Variants in RBFOX1 observed in about 807,000 individuals in gnomAD.
RBFOX1 encodes RNA binding protein fox-1 homolog 1.
In RBFOX1, 8 loss-of-function variants were observed where a neutral mutation model predicts 57.7. That is an observed-to-expected ratio of 0.14 (90% CI 0.08 to 0.25). RBFOX1 has a LOEUF of 0.25. RBFOX1 is among the 10% of genes least tolerant of loss of function. RBFOX1 has a pLI of 1.00. For missense variants in RBFOX1, 611 were observed against 548.5 expected, an observed-to-expected ratio of 1.11 and a Z score of -1.14; for synonymous variants, 326 against 222.4, an observed-to-expected ratio of 1.47 and a Z score of -4.15.
intron 1 of RBFOX1, among the ~76,000 whole-genome samples, chr16:5,447,378 ATC>A (rs71142623): frequency 0.33 from 44,000 of 134,220 alleles, 6,697 homozygotes; most frequent in South Asian, 0.42. Context: ...CAATCAATCA[ATC>A]TCTCTCTCTC....
At chr16:7,529,951 G>C (rs548412292) in intron 5 of RBFOX1, among the ~76,000 whole-genome samples, 143 of 148,080 alleles carry the variant, frequency 9.7e-4, no homozygotes, top group African/African-American at 3.5e-3. Context: ...GGAGGTTGCA[G>C]TGAGCTGAGA....
chr16:7,148,064 A>G (rs2075376496), intron 4 of RBFOX1, among the ~76,000 whole-genome samples: 2 of 152,190 alleles, frequency 1.3e-5, no homozygotes, highest in South Asian at 4.1e-4. Flanking sequence ...TTAGCAGAAC[A>G]CTCAAGATGA....
chr16:6,557,064 C>CACATATAT (rs2097111966), intron 2 of RBFOX1, among the ~76,000 whole-genome samples: 4 of 141,226 alleles, frequency 2.8e-5, no homozygotes, highest in African/African-American at 7.8e-5. Context: ...TACATATATA[C>CACATATAT]ATACATATAT....
intron 14 of RBFOX1, among the ~76,000 whole-genome samples, chr16:7,685,741 A>G (rs2075929129): frequency 6.6e-6 from 1 of 152,108 alleles, no homozygotes; most frequent in South Asian, 2.1e-4. Context: ...AGTCTAGGCA[A>G]TCTCTAAGAC....
At chr16:6,315,047 C>T (rs1367442534) in intron 1 of RBFOX1, among the ~76,000 whole-genome samples, 4 of 152,206 alleles carry the variant, frequency 2.6e-5, no homozygotes, top group Non-Finnish European at 5.9e-5. Flanking sequence ...ATTTAGAAGG[C>T]TTAATAAACA....
At chr16:7,142,131 C>T (rs976250959) in intron 4 of RBFOX1, among the ~76,000 whole-genome samples, 1 of 152,070 alleles carries the variant, frequency 6.6e-6, no homozygotes, top group South Asian at 2.1e-4. Flanking sequence ...TAAAGGGAGC[C>T]TCACACCTCA....
chr16:5,377,403 C>G (rs1278345177), intron 1 of RBFOX1, among the ~76,000 whole-genome samples: 4 of 151,072 alleles, frequency 2.6e-5, no homozygotes, highest in Admixed American at 6.6e-5. Context: ...GTTGACCAGG[C>G]AAATCACAAA....
At chr16:6,108,614 G>A (rs1395461920) in intron 1 of RBFOX1, among the ~76,000 whole-genome samples, 2 of 152,100 alleles carry the variant, frequency 1.3e-5, no homozygotes, top group African/African-American at 4.8e-5. Flanking sequence ...TCACACAGTT[G>A]GTGGCTTAGC....
At chr16:6,903,138 C>G (rs567664096) in intron 3 of RBFOX1, among the ~76,000 whole-genome samples, 1 of 152,136 alleles carries the variant, frequency 6.6e-6, no homozygotes, top group East Asian at 1.9e-4. Flanking sequence ...TCATAAGTGA[C>G]TTCACTTGTT....
chr16:5,685,527 G>C (rs1039235338), intron 3 of RBFOX1, among the ~76,000 whole-genome samples: 3 of 152,216 alleles, frequency 2.0e-5, no homozygotes, highest in Non-Finnish European at 4.4e-5. Context: ...AGTTATCACA[G>C]GGTTGGAGAA....
chr16:5,840,814 C>G (rs1034553854), intron 3 of RBFOX1, among the ~76,000 whole-genome samples: 2 of 152,076 alleles, frequency 1.3e-5, no homozygotes, highest in East Asian at 3.9e-4. Context: ...CAGACAAAAC[C>G]TAGGGGAACC....
At chr16:7,495,039 T>C (rs2068160632) in intron 4 of RBFOX1, among the ~76,000 whole-genome samples, 1 of 152,162 alleles carries the variant, frequency 6.6e-6, no homozygotes, top group African/African-American at 2.4e-5. Flanking sequence ...GCTTGATGTT[T>C]AGCTCCCACT....
At chr16:6,845,006 C>G (rs539508268) in intron 3 of RBFOX1, among the ~76,000 whole-genome samples, 2 of 152,082 alleles carry the variant, frequency 1.3e-5, no homozygotes, top group Non-Finnish European at 2.9e-5. Flanking sequence ...CTGTTTATGT[C>G]CTTTGCCCAC....
At chr16:7,297,852 A>G (rs1425638337) in intron 4 of RBFOX1, among the ~76,000 whole-genome samples, 1 of 152,026 alleles carries the variant, frequency 6.6e-6, no homozygotes, top group Non-Finnish European at 1.5e-5. Flanking sequence ...ATTACCCTAG[A>G]TCTAAAAGCA....
chr16:5,662,878 A>T (rs1454133818), intron 3 of RBFOX1, among the ~76,000 whole-genome samples: 1 of 152,206 alleles, frequency 6.6e-6, no homozygotes, highest in Non-Finnish European at 1.5e-5. Flanking sequence ...TGCCACTGTT[A>T]GGTTAAAAGG....
At chr16:6,911,072 G>T (rs2071455661) in intron 3 of RBFOX1, among the ~76,000 whole-genome samples, 1 of 151,890 alleles carries the variant, frequency 6.6e-6, no homozygotes, top group African/African-American at 2.4e-5. Context: ...GTGGTGGCAG[G>T]CACCTGTAAT....
intron 4 of RBFOX1, among the ~76,000 whole-genome samples, chr16:7,201,668 T>A (rs2088531642): frequency 6.6e-6 from 1 of 152,082 alleles, no homozygotes; most frequent in Non-Finnish European, 1.5e-5. Flanking sequence ...TTCACCTTGT[T>A]GGCTAGGCTG....
chr16:6,693,917 G>C (rs1603431504), intron 3 of RBFOX1, among the ~76,000 whole-genome samples: 1 of 152,178 alleles, frequency 6.6e-6, no homozygotes, highest in East Asian at 1.9e-4. Context: ...TCATCTAATT[G>C]ACTGTTTACC....
chr16:5,698,996 T>C (rs2050937827), intron 3 of RBFOX1, among the ~76,000 whole-genome samples: 1 of 150,170 alleles, frequency 6.7e-6, no homozygotes. Context: ...TTTTTTTTTT[T>C]TTTTTTTTTG....
Sources: gnomAD v4.1 joint callset for allele counts (sites outside exome capture counted in the v4.1 genomes callset) on GRCh38, gnomAD v4.1.1 for gene constraint, MANE v1.5 for transcripts, NCBI Gene and HGNC (gene_info 2026-07-23, HGNC 2026-07-21) for gene names.